Variants in ARHGAP10 observed in about 807,000 individuals in gnomAD.
The protein encoded by ARHGAP10 is Rho GTPase activating protein 10, also known as rho GTPase-activating protein 10.
In ARHGAP10, 87 loss-of-function variants were observed where a neutral mutation model predicts 108.6. That is an observed-to-expected ratio of 0.80 (90% confidence interval 0.67 to 0.96). ARHGAP10 has a LOEUF of 0.96. ARHGAP10 is among the 40% of genes least tolerant of loss of function. The pLI is 0.00. For synonymous variants in ARHGAP10, 347 were observed against 341.1 expected, an observed-to-expected ratio of 1.02 and a Z score of -0.19; for missense variants, 939 against 954.5, an observed-to-expected ratio of 0.98 and a Z score of 0.21.
intron 3 of ARHGAP10, among the ~76,000 whole-genome samples, chr4:147,842,182 G>T (rs560315834): frequency 6.6e-6 from 1 of 152,034 alleles, no homozygotes; most frequent in East Asian, 1.9e-4. Flanking sequence ...TGATCCACCC[G>T]CCTCGGCCTC....
In ARHGAP10 at chr4:147,926,168, C is replaced by A. The variant is rs112735856; in HGVS notation, c.1228+13029C>A. On this transcript the variant is annotated intron_variant, in intron 13 of 22. Transcript: ENST00000336498. ...TGCTGTGCTGCATTGTCTGCCTTAA[C>A]TCTTTCTGTAGGCTGTGGTGAGCTA... Among the ~76,000 whole-genome samples the A allele has an allele frequency of 9.9e-3, 1,507 of 152,234 alleles. 30 individuals carry two copies. The highest frequency in any genetic ancestry group is 0.035 in the African/African-American group (1,440 of 41,532).
intron 1 of ARHGAP10, among the ~76,000 whole-genome samples, chr4:147,758,993 C>T (rs573200792): frequency 3.0e-4 from 44 of 148,202 alleles, no homozygotes; most frequent in Middle Eastern, 3.5e-3. Context: ...AAAAAAAAAC[C>T]GAAAACAGGT....
chr4:147,894,351 G>T (rs1001611281), intron 10 of ARHGAP10, among the ~76,000 whole-genome samples: 6 of 152,096 alleles, frequency 3.9e-5, no homozygotes. Flanking sequence ...GGCCATTTAT[G>T]TTTCTTCTGT....
At chr4:147,817,374 A>T (rs947147347) in intron 1 of ARHGAP10, among the ~76,000 whole-genome samples, 3 of 152,158 alleles carry the variant, frequency 2.0e-5, no homozygotes, top group Admixed American at 6.5e-5. Context: ...CCCCCAGCAG[A>T]GTGTCTGTTT....
At chr4:148,023,980 G>C (rs547555041) in intron 19 of ARHGAP10, among the ~76,000 whole-genome samples, 1 of 152,338 alleles carries the variant, frequency 6.6e-6, no homozygotes, top group Non-Finnish European at 1.5e-5. Context: ...CGTCCCTTCC[G>C]AGCCATGCTG....
chr4:147,774,854 T>C (rs746875811), intron 1 of ARHGAP10, among the ~76,000 whole-genome samples: 2 of 152,106 alleles, frequency 1.3e-5, no homozygotes, highest in African/African-American at 2.4e-5. Context: ...GAAACACTTG[T>C]TTTGCTGTCT....
At chr4:147,980,874 G>A (rs1311800095) in intron 18 of ARHGAP10, among the ~76,000 whole-genome samples, 1 of 152,090 alleles carries the variant, frequency 6.6e-6, no homozygotes, top group African/African-American at 2.4e-5. Context: ...TTCTATTTCT[G>A]TGGTATCGGT....
At chr4:148,018,988 T>A (rs774525487) in intron 18 of ARHGAP10, among the ~76,000 whole-genome samples, 4 of 152,250 alleles carry the variant, frequency 2.6e-5, no homozygotes, top group Non-Finnish European at 5.9e-5. Context: ...AGGTGTTTGT[T>A]AAATGTTAAA....
chr4:147,810,093 C>T (rs183567199), intron 1 of ARHGAP10, among the ~76,000 whole-genome samples: 154 of 152,242 alleles, frequency 1.0e-3, no homozygotes, highest in African/African-American at 3.2e-3. Context: ...TTTACATTCA[C>T]CCTTTTTGAG....
At chr4:148,022,552 G>A (rs541910035) in intron 18 of ARHGAP10, among the ~76,000 whole-genome samples, 20 of 152,248 alleles carry the variant, frequency 1.3e-4, no homozygotes, top group Admixed American at 5.9e-4. Flanking sequence ...CTTTCTTTGT[G>A]GCACAAATTG....
chr4:147,870,014 G>C (rs867659758), intron 7 of ARHGAP10, among the ~76,000 whole-genome samples: 12,148 of 150,042 alleles, frequency 0.081, 690 homozygotes, highest in East Asian at 0.13. Context: ...GTGTGTGTGT[G>C]TGTGTGTGTG....
intron 10 of ARHGAP10, among the ~76,000 whole-genome samples, chr4:147,905,305 C>T (rs1736438878): frequency 6.7e-6 from 1 of 148,490 alleles, no homozygotes; most frequent in Non-Finnish European, 1.5e-5. Flanking sequence ...GAAGTCCTTG[C>T]CCATGCCTAT....
intron 1 of ARHGAP10, among the ~76,000 whole-genome samples, chr4:147,765,808 C>T (rs1168648300): frequency 2.0e-5 from 3 of 151,636 alleles, no homozygotes; most frequent in African/African-American, 4.8e-5. Flanking sequence ...TCGATAAAAA[C>T]AAAAGAAGTT....
chr4:147,795,127 C>T (rs142262778), intron 1 of ARHGAP10, among the ~76,000 whole-genome samples: 212 of 152,216 alleles, frequency 1.4e-3, no homozygotes, highest in African/African-American at 3.9e-3. Flanking sequence ...GTGTCACCTA[C>T]GCTGGAGTGT....
intron 3 of ARHGAP10, among the ~76,000 whole-genome samples, chr4:147,842,895 C>G (rs1733471808): frequency 6.6e-6 from 1 of 152,198 alleles, no homozygotes; most frequent in South Asian, 2.1e-4. Flanking sequence ...ACTTCATAAA[C>G]TCCTCCTCAC....
At chr4:147,997,179 T>G (rs1224041451) in intron 18 of ARHGAP10, among the ~76,000 whole-genome samples, 1 of 152,220 alleles carries the variant, frequency 6.6e-6, no homozygotes, top group Non-Finnish European at 1.5e-5. Flanking sequence ...GCTGTCCACT[T>G]AAAATATTTG....
intron 1 of ARHGAP10, among the ~76,000 whole-genome samples, chr4:147,783,669 G>A (rs1334549665): frequency 7.9e-6 from 1 of 126,972 alleles, no homozygotes; most frequent in Non-Finnish European, 1.5e-5. Context: ...ATTAAATTGT[G>A]TATTGTATAA....
Position 148,064,545 on chromosome 4 carries a change from C to T in ARHGAP10, c.2272+38C>T, listed in dbSNP as rs73853717. The stretch of plus-strand genomic sequence containing the variant: ...GGGAGCTTCGTCTGTTAATCCTGTC[C>T]GCAGGATTAATAAGTCTGCAGCATG... On this transcript the variant is annotated intron_variant, in intron 22 of 22. Coordinates refer to ENST00000336498, the MANE Select transcript of ARHGAP10 (RefSeq NM_024605.4). 2,423 of 1,539,464 alleles carry T rather than the reference C, an allele frequency of 1.6e-3. 42 individuals are homozygous for T. In the African/African-American group the frequency reaches 0.029, roughly 19 times the overall value.
At chr4:147,783,558 A>G (rs561301626) in intron 1 of ARHGAP10, among the ~76,000 whole-genome samples, 5 of 145,512 alleles carry the variant, frequency 3.4e-5, no homozygotes, top group Admixed American at 3.4e-4. Flanking sequence ...TATAGAACAC[A>G]CATTAAATTG....
Sources: gnomAD v4.1 joint callset for allele counts (sites outside exome capture counted in the v4.1 genomes callset) on GRCh38, gnomAD v4.1.1 for gene constraint, MANE v1.5 for transcripts, NCBI Gene and HGNC (gene_info 2026-07-23, HGNC 2026-07-21) for gene names.